Variants in MLIP observed in about 807,000 individuals in gnomAD.
MLIP encodes the protein muscular LMNA-interacting protein.
A neutral mutation model predicts 84.8 loss-of-function variants in MLIP; 79 were observed. The observed-to-expected ratio is 0.93, with a 90% CI of 0.78 to 1.12. The LOEUF is 1.12. Ranked by LOEUF, MLIP falls within the 50% of genes most tolerant of loss-of-function variation. The pLI, the probability that MLIP is intolerant of heterozygous loss-of-function variation, is 0.00. For missense variants in MLIP, 1,257 were observed against 1,160.6 expected (o/e 1.08, Z -1.21); for synonymous variants, 504 against 463.0 (o/e 1.09, Z -1.14).
intron 10 of MLIP, among the ~76,000 whole-genome samples, chr6:54,196,580 T>TATCA (rs952798965): frequency 1.1e-4 from 16 of 152,152 alleles, no homozygotes; most frequent in Admixed American, 9.2e-4. Flanking sequence ...TTATCTGGTC[T>TATCA]ATCATTGATG....
intron 11 of MLIP, chr6:54,216,623 G>A: frequency 1.0e-6 from 1 of 970,966 alleles, no homozygotes; most frequent in Non-Finnish European, 1.2e-6. Flanking sequence ...TTATATAGAG[G>A]ATTTCAAATA....
chr6:54,113,101 T>C (rs1354426122), intron 1 of MLIP, among the ~76,000 whole-genome samples: 2 of 152,168 alleles, frequency 1.3e-5, no homozygotes, highest in South Asian at 2.1e-4. Context: ...TTTGTAACCA[T>C]GGGGTGCTTA....
At chr6:54,099,703 A>G (rs1768499334) in intron 1 of MLIP, 1 of 152,184 alleles carries the variant, frequency 6.6e-6, no homozygotes, top group Non-Finnish European at 1.5e-5. Context: ...AGGTTTTTAA[A>G]TAAAATAGTA....
rs572232087 is a variant in MLIP at position 54,237,678 on chromosome 6, TAAA to T, written c.2922+6781_2922+6783del. Among the ~76,000 whole-genome samples the T allele has an allele frequency of 9.7e-3, 1,127 of 116,402 alleles. 17 individuals carry two copies. Among genetic ancestry groups the T allele is most frequent in the African/African-American group, 0.031 (996 of 32,076 alleles). 76.4% of individuals were successfully genotyped at this position (116,402 alleles called of 152,430 possible). ...CTGGACGACATAGGGAGACTGTCTC[TAAA>T]AAAAAAAAAAAAAAAAAAATTAGCT... On this transcript the variant is annotated intron_variant, in intron 12 of 13. Transcript: ENST00000502396.
chr6:54,175,247 A>G (rs377531987), intron 9 of MLIP, among the ~76,000 whole-genome samples: 4 of 151,984 alleles, frequency 2.6e-5, no homozygotes, highest in Non-Finnish European at 4.4e-5. Context: ...GTAGTTCCCT[A>G]TAAATTTTAG....
intron 1 of MLIP, among the ~76,000 whole-genome samples, chr6:54,105,673 G>A (rs185431877): frequency 6.6e-6 from 1 of 152,254 alleles, no homozygotes; most frequent in East Asian, 1.9e-4. Context: ...GTGCTGGCAG[G>A]GGGGCAGGTG....
chr6:54,033,788 C>A (rs1764273881), intron 1 of MLIP, among the ~76,000 whole-genome samples: 1 of 152,074 alleles, frequency 6.6e-6, no homozygotes, highest in African/African-American at 2.4e-5. Flanking sequence ...AACAAATAGT[C>A]AAAGATGACA....
intron 1 of MLIP, among the ~76,000 whole-genome samples, chr6:54,089,628 G>C (rs917007170): frequency 1.3e-5 from 2 of 151,984 alleles, no homozygotes; most frequent in African/African-American, 4.8e-5. Context: ...ACAAGAATCA[G>C]AATCCATCTC....
At chr6:54,116,295 A>G (rs1177336526) in intron 1 of MLIP, among the ~76,000 whole-genome samples, 2 of 152,228 alleles carry the variant, frequency 1.3e-5, no homozygotes, top group Non-Finnish European at 2.9e-5. Flanking sequence ...GACTGATTTT[A>G]TCATGAAAAT....
At chr6:54,233,424 CAG>C (rs989384426) in intron 12 of MLIP, among the ~76,000 whole-genome samples, 2 of 151,506 alleles carry the variant, frequency 1.3e-5, no homozygotes, top group Non-Finnish European at 2.9e-5. Flanking sequence ...TGAGAACATG[CAG>C]AGTTTGTTTT....
chr6:54,084,291 T>G (rs537996630), intron 1 of MLIP, among the ~76,000 whole-genome samples: 1 of 152,190 alleles, frequency 6.6e-6, no homozygotes, highest in Non-Finnish European at 1.5e-5. Flanking sequence ...GTAGTGTCCC[T>G]GGAAACTATG....
At chr6:54,030,573 C>CT (rs938071604) in intron 1 of MLIP, 1 of 106,378 alleles carries the variant, frequency 9.4e-6, no homozygotes, top group African/African-American at 3.9e-5. Context: ...AACACAGCAA[C>CT]TATTTTTTTT....
At chr6:54,153,522 G>A (rs55760696) in intron 5 of MLIP, among the ~76,000 whole-genome samples, 10,768 of 152,036 alleles carry the variant, frequency 0.071, 553 homozygotes, top group East Asian at 0.24. Flanking sequence ...TCTTATTAAA[G>A]ATATTTCCTT....
At chr6:54,219,370 C>CTTTTTT (rs5876371) in intron 11 of MLIP, among the ~76,000 whole-genome samples, 1 of 77,510 alleles carries the variant, frequency 1.3e-5, no homozygotes, top group African/African-American at 4.4e-5. Flanking sequence ...ACATTTTAAA[C>CTTTTTT]TTTTTTTTTT....
chr6:54,068,197 C>T (rs1766313889), intron 1 of MLIP, among the ~76,000 whole-genome samples: 1 of 90,388 alleles, frequency 1.1e-5, no homozygotes, highest in African/African-American at 2.7e-5. Flanking sequence ...AATACAGTGG[C>T]ATAATCTCGG....
chr6:54,057,340 G>A (rs530332573), intron 1 of MLIP, among the ~76,000 whole-genome samples: 15 of 152,268 alleles, frequency 9.9e-5, no homozygotes, highest in Middle Eastern at 3.4e-3. Flanking sequence ...AACTGCATAC[G>A]ACTACTGCCC....
rs1232112595 is a variant in MLIP at position 54,083,507 on chromosome 6, A to G, written c.64-37940A>G. ...AGGCAAGTGTTTGTCAATGAGTTCT[A>G]TTGGCTGACACTGACCTTGCCGTTA... is the stretch of plus-strand genomic sequence containing the variant. On this transcript the variant is annotated intron_variant, in intron 1 of 12. Coordinates refer to the MLIP transcript ENST00000274897. 22 of 1,535,286 alleles carry G rather than the reference A, an allele frequency of 1.4e-5. No individual in the cohort carries two copies. The Admixed American group carries it at 3.5e-4, about 25-fold the overall frequency.
At chr6:54,110,469 A>G (rs1769371371), upstream of MLIP, among the ~76,000 whole-genome samples, 1 of 152,190 alleles carries the variant, frequency 6.6e-6, no homozygotes, top group East Asian at 1.9e-4. Context: ...ACTTATATTC[A>G]GAAATTTAGA....
chr6:54,252,513 A>C (rs1208737125), intron 12 of MLIP, among the ~76,000 whole-genome samples: 1 of 143,002 alleles, frequency 7.0e-6, no homozygotes, highest in African/African-American at 2.6e-5. Flanking sequence ...ATATATTATA[A>C]CATATAATAT....
Sources: allele counts gnomAD v4.1 joint callset (sites outside exome capture counted in the v4.1 genomes callset), GRCh38; gene constraint gnomAD v4.1.1; transcripts MANE v1.5; gene names NCBI Gene and HGNC (gene_info 2026-07-23, HGNC 2026-07-21).